Variants in JAK2 observed in about 807,000 individuals in gnomAD.
JAK2 encodes the protein tyrosine-protein kinase JAK2.
Under a neutral mutation model 139.3 loss-of-function variants are expected in JAK2, and 86 were observed. The observed-to-expected ratio is 0.62, with a 90% CI of 0.52 to 0.74. JAK2 has a LOEUF of 0.74. Among genes scored for constraint, JAK2 ranks in the 30% least tolerant of loss-of-function variants. The pLI is 0.00. For missense variants in JAK2, 1,421 were observed against 1,360.3 expected (o/e 1.04, Z -0.70); for synonymous variants, 490 against 437.7 (o/e 1.12, Z -1.49).
intron 2 of JAK2, among the ~76,000 whole-genome samples, chr9:4,989,714 T>A (rs1237514758): frequency 6.6e-6 from 1 of 152,186 alleles, no homozygotes; most frequent in Non-Finnish European, 1.5e-5. Context: ...AGATTTTGCA[T>A]AATAGGAAGG....
intron 22 of JAK2, among the ~76,000 whole-genome samples, chr9:5,101,452 AG>A (rs1821479891): frequency 6.6e-6 from 1 of 152,254 alleles, no homozygotes; most frequent in East Asian, 1.9e-4. Context: ...CTCTGGGGGC[AG>A]GGCATAGCTG....
At chr9:5,055,423 T>C (rs957698216) in intron 7 of JAK2, among the ~76,000 whole-genome samples, 3 of 152,052 alleles carry the variant, frequency 2.0e-5, no homozygotes, top group East Asian at 1.9e-4. Context: ...GTTAATTGAA[T>C]TGAAGAGTGC....
At chr9:5,015,573 T>G (rs1015539616) in intron 2 of JAK2, among the ~76,000 whole-genome samples, 3 of 151,668 alleles carry the variant, frequency 2.0e-5, no homozygotes, top group African/African-American at 7.3e-5. Flanking sequence ...CTCACTTTGT[T>G]ACTCAGGTTG....
At chr9:5,035,820 C>G (rs182103583) in intron 4 of JAK2, among the ~76,000 whole-genome samples, 1,612 of 152,234 alleles carry the variant, frequency 0.011, 30 homozygotes, top group African/African-American at 0.038. Flanking sequence ...AAAACTGGCA[C>G]AAGACAGGGA....
chr9:5,087,290 A>T (rs1323541876), intron 19 of JAK2, among the ~76,000 whole-genome samples: 1 of 152,222 alleles, frequency 6.6e-6, no homozygotes, highest in Non-Finnish European at 1.5e-5. Context: ...AATGAGTGCC[A>T]GCAGGAGAAA....
intron 19 of JAK2, chr9:5,085,750 T>C (rs772032416): frequency 1.3e-6 from 1 of 755,048 alleles, no homozygotes; most frequent in Non-Finnish European, 2.5e-6. Flanking sequence ...GCGCGCTGGC[T>C]AGCTTGCACA....
chr9:4,986,696 A>T (rs188860375), intron 2 of JAK2, among the ~76,000 whole-genome samples: 126 of 152,292 alleles, frequency 8.3e-4, no homozygotes, highest in African/African-American at 3.0e-3. Context: ...ATTTTTTTTA[A>T]AAATTTTGGA....
intron 7 of JAK2, 106 bp from the exon 8 acceptor site, chr9:5,055,562 CT>C (rs2130419097): frequency 2.3e-6 from 2 of 871,306 alleles, no homozygotes; most frequent in Non-Finnish European, 1.7e-6. Flanking sequence ...TTATCAATAC[CT>C]TTTTTATTTT....
chr9:5,090,671 T>C, intron 21 of JAK2, 68 bp from the exon 22 acceptor site: 7 of 1,520,580 alleles, frequency 4.6e-6, no homozygotes, highest in Non-Finnish European at 6.2e-6. Context: ...AGGGAATATA[T>C]AGGGTTAAGA....
At position 5,050,982 on chromosome 9, in the gene JAK2, A is replaced by G. The variant is rs1289902369; in HGVS notation, c.614+151A>G. 4.1e-6 allele frequency: 3 copies of G among 740,398 alleles called. No individual in the cohort carries two copies. The East Asian group carries it at 8.4e-5, about 21-fold the overall frequency. 45.9% of individuals were successfully genotyped at this position (740,398 alleles called of 1,614,324 possible). A position where few individuals can be genotyped will look rare whatever the true frequency, so the allele number is the denominator to read the frequency against. ...ATGCTTGGAATCAGAAATGCTTCAG[A>G]TTTTGGATATTTCCAGATTTTGGAA... is the stretch of plus-strand genomic sequence containing the variant. On this transcript the variant is annotated intron_variant, in intron 6 of 24. Coordinates refer to ENST00000381652, the MANE Select transcript of JAK2 (RefSeq NM_004972.4).
upstream of JAK2, chr9:4,984,448 CAT>C (rs1313260763): frequency 1.3e-5 from 2 of 152,300 alleles, no homozygotes; most frequent in African/African-American, 4.8e-5. Context: ...CTAGGAGAAA[CAT>C]TCGCTAGGCC....
intron 16 of JAK2, among the ~76,000 whole-genome samples, chr9:5,079,018 T>C (rs1216269072): frequency 6.6e-6 from 1 of 152,226 alleles, no homozygotes; most frequent in Non-Finnish European, 1.5e-5. Flanking sequence ...ATAATTTCTC[T>C]AATTGGATGT....
chr9:5,085,990 T>C, intron 19 of JAK2: 1 of 942,066 alleles, frequency 1.1e-6, no homozygotes, highest in Non-Finnish European at 1.7e-6. Flanking sequence ...CTGTACGGGG[T>C]TGTGTGATGA....
Position 5,127,451 on chromosome 9 carries a change from A to G in JAK2, c.*660A>G, listed in dbSNP as rs150306172. 6.9e-5 allele frequency: 16 copies of G among 231,524 alleles called. No individual in the cohort carries two copies. In the East Asian group the frequency reaches 9.2e-4, roughly 13 times the overall value. 14.3% of individuals were successfully genotyped at this position (231,524 alleles called of 1,614,324 possible). A position where few individuals can be genotyped will look rare whatever the true frequency, so the allele number is the denominator to read the frequency against. On this transcript the variant is annotated 3_prime_UTR_variant, in exon 25 of 25. Coordinates refer to ENST00000381652, the MANE Select transcript of JAK2 (RefSeq NM_004972.4). ...GGAACAAATGTCTAGTTTTATTTGT[A>G]TAGGAAATTTCCCTGACCCTAAATA... is the stretch of plus-strand genomic sequence containing the variant.
intron 18 of JAK2, among the ~76,000 whole-genome samples, chr9:5,081,116 C>T (rs565304711): frequency 4.0e-4 from 60 of 151,898 alleles, no homozygotes; most frequent in African/African-American, 1.3e-3. Context: ...AGGATGGTCT[C>T]GATCTCCTGA....
chr9:5,102,303 C>G (rs1586797964), intron 22 of JAK2, among the ~76,000 whole-genome samples: 1 of 151,890 alleles, frequency 6.6e-6, no homozygotes, highest in Admixed American at 6.6e-5. Flanking sequence ...GATTGAAGAT[C>G]AAATTAATGA....
chr9:5,078,923 G>C (rs1351806698), intron 16 of JAK2, among the ~76,000 whole-genome samples: 1 of 152,170 alleles, frequency 6.6e-6, no homozygotes, highest in African/African-American at 2.4e-5. Context: ...ACTTAACACA[G>C]TGGGTTAAAA....
intron 4 of JAK2, chr9:5,041,196 T>G (rs1461819268): frequency 1.4e-6 from 2 of 1,436,986 alleles, no homozygotes; most frequent in African/African-American, 2.8e-5. Flanking sequence ...TACCAGGACG[T>G]GAAGCCCGAG....
At chr9:5,095,565 A>T (rs1238017988) in intron 22 of JAK2, among the ~76,000 whole-genome samples, 1 of 152,138 alleles carries the variant, frequency 6.6e-6, no homozygotes, top group Non-Finnish European at 1.5e-5. Context: ...TTCACTTCCG[A>T]GTCCCAGAAG....
Sources: gnomAD v4.1 joint callset for allele counts (sites outside exome capture counted in the v4.1 genomes callset) on GRCh38, gnomAD v4.1.1 for gene constraint, MANE v1.5 for transcripts, NCBI Gene and HGNC (gene_info 2026-07-23, HGNC 2026-07-21) for gene names.